The following DPP10 variants were observed in gnomAD, a reference collection of about 807,000 sequenced individuals.
DPP10 encodes the protein inactive dipeptidyl peptidase 10.
Under a neutral mutation model 120.9 loss-of-function variants are expected in DPP10, and 33 were observed. The observed-to-expected ratio is 0.27, with a 90% CI of 0.21 to 0.37. The LOEUF is 0.37. Ranked by LOEUF, DPP10 falls within the 10% of genes least tolerant of loss-of-function variation. DPP10 has a pLI of 1.00. For missense variants in DPP10, 816 were observed against 942.8 expected (o/e 0.87, Z 1.76); for synonymous variants, 337 against 326.1 (o/e 1.03, Z -0.36).
At chr2:114,764,605 C>T (rs1473558179) in intron 1 of DPP10, among the ~76,000 whole-genome samples, 2 of 151,168 alleles carry the variant, frequency 1.3e-5, no homozygotes, top group East Asian at 3.9e-4. Flanking sequence ...CCCCATGAAG[C>T]CTAATAATGC....
intron 9 of DPP10, among the ~76,000 whole-genome samples, 195 bp downstream of exon 9, chr2:115,740,088 A>C (rs539952741): frequency 6.6e-6 from 1 of 152,158 alleles, no homozygotes; most frequent in Non-Finnish European, 1.5e-5. Context: ...GATGATTTGA[A>C]AGTGTGTGAA....
intron 5 of DPP10, among the ~76,000 whole-genome samples, chr2:115,660,760 G>T (rs2088893133): frequency 6.9e-6 from 1 of 145,138 alleles, no homozygotes; most frequent in Non-Finnish European, 1.5e-5. Context: ...GATCATGAGG[G>T]TCTTTATACT....
intron 1 of DPP10, among the ~76,000 whole-genome samples, chr2:115,286,528 T>TATATATATATATA (rs1559366928): frequency 2.0e-5 from 2 of 100,072 alleles, no homozygotes; most frequent in African/African-American, 7.0e-5. Flanking sequence ...ATATATATAA[T>TATATATATATATA]ATATATATAT....
intron 1 of DPP10, among the ~76,000 whole-genome samples, chr2:114,937,206 G>A (rs1394112971): frequency 6.6e-6 from 1 of 152,110 alleles, no homozygotes; most frequent in Non-Finnish European, 1.5e-5. Context: ...TATCTTCTAG[G>A]ATCTTTATGG....
chr2:115,022,323 A>G (rs898330691), intron 1 of DPP10, among the ~76,000 whole-genome samples: 5 of 152,128 alleles, frequency 3.3e-5, no homozygotes, highest in African/African-American at 1.2e-4. Context: ...ATTTCAGGAT[A>G]CAAAATTAAT....
intron 5 of DPP10, among the ~76,000 whole-genome samples, chr2:115,641,099 T>C (rs2086739507): frequency 1.3e-5 from 2 of 152,124 alleles, no homozygotes; most frequent in South Asian, 4.1e-4. Flanking sequence ...CAGCAACAAT[T>C]GTACTGATTC....
Position 114,990,586 on chromosome 2 carries a change from AC to A in DPP10, c.61-318649del, listed in dbSNP as rs1700700604. Among the ~76,000 whole-genome samples the A allele has an allele frequency of 2.0e-5, 3 of 152,136 alleles. No homozygotes were observed. The East Asian group carries it at 5.8e-4, about 29-fold the overall frequency. ...TTATTCTACATTTAATTATTTTTAT[AC>A]CCCAACAGTTAATGTGATAACCTTT... On this transcript the variant is annotated intron_variant, in intron 1 of 25. Transcript: ENST00000410059.
At position 115,581,524 on chromosome 2, in the gene DPP10, C is replaced by T. The variant is rs560811417; in HGVS notation, c.441+55552C>T. On this transcript the variant is annotated intron_variant, in intron 5 of 25. Coordinates refer to ENST00000410059, the MANE Select transcript of DPP10 (RefSeq NM_020868.6). ...CACCAACAATTTTCTTGCTCAGCCG[C>T]TCATGCTACTATACTCTGTTATACA... Among the ~76,000 whole-genome samples the T allele has an allele frequency of 9.9e-5, 15 of 152,232 alleles. No homozygotes were observed. The East Asian group carries it at 2.9e-3, about 30-fold the overall frequency.
chr2:114,840,038 G>A (rs1012581853), intron 1 of DPP10, among the ~76,000 whole-genome samples: 8 of 152,100 alleles, frequency 5.3e-5, no homozygotes, highest in African/African-American at 1.9e-4. Flanking sequence ...CTGAATTGGG[G>A]TAATATCTCT....
intron 8 of DPP10, among the ~76,000 whole-genome samples, chr2:115,736,580 T>A (rs1676531145): frequency 6.6e-6 from 1 of 152,156 alleles, no homozygotes; most frequent in South Asian, 2.1e-4. Flanking sequence ...ATGCCCAGAA[T>A]ATGTGTGTAT....
At chr2:115,489,193 A>G (rs943068129) in intron 3 of DPP10, among the ~76,000 whole-genome samples, 1 of 152,100 alleles carries the variant, frequency 6.6e-6, no homozygotes, top group Non-Finnish European at 1.5e-5. Flanking sequence ...CTATGCTGTT[A>G]TAGTGCATAA....
At chr2:114,843,913 A>G (rs1323276354) in intron 1 of DPP10, among the ~76,000 whole-genome samples, 1 of 152,112 alleles carries the variant, frequency 6.6e-6, no homozygotes, top group Non-Finnish European at 1.5e-5. Context: ...AAGCAAACCT[A>G]ATTTCACAAT....
At chr2:115,663,009 A>T (rs1290466165) in intron 5 of DPP10, among the ~76,000 whole-genome samples, 1 of 151,796 alleles carries the variant, frequency 6.6e-6, no homozygotes, top group East Asian at 1.9e-4. Flanking sequence ...ATCTTTTTTT[A>T]CAATTTTTGT....
intron 1 of DPP10, among the ~76,000 whole-genome samples, chr2:114,907,794 T>C (rs1694084021): frequency 6.6e-6 from 1 of 152,060 alleles, no homozygotes; most frequent in South Asian, 2.1e-4. Flanking sequence ...TCAGTACGTA[T>C]CTGCTATGTC....
intron 1 of DPP10, among the ~76,000 whole-genome samples, chr2:114,570,522 GATATGAAAAGT>G (rs1228064470): frequency 2.0e-5 from 3 of 152,134 alleles, no homozygotes; most frequent in Middle Eastern, 3.4e-3. Context: ...TTGAAATTAT[GATATGAAAAGT>G]AGATGAAGGT....
At chr2:115,331,780 A>G (rs1450106107) in intron 2 of DPP10, among the ~76,000 whole-genome samples, 1 of 152,128 alleles carries the variant, frequency 6.6e-6, no homozygotes, top group Non-Finnish European at 1.5e-5. Context: ...AGCCCACTTG[A>G]TCATGGTGGA....
chr2:114,477,984 TAC>T (rs1375638403), intron 1 of DPP10, among the ~76,000 whole-genome samples: 1 of 151,064 alleles, frequency 6.6e-6, no homozygotes, highest in Non-Finnish European at 1.5e-5. Flanking sequence ...TGTATATATG[TAC>T]ATATATGTGT....
intron 2 of DPP10, among the ~76,000 whole-genome samples, chr2:115,338,606 A>G (rs1038831882): frequency 2.6e-5 from 4 of 152,080 alleles, no homozygotes; most frequent in African/African-American, 9.7e-5. Flanking sequence ...GATTATAGAC[A>G]TGAGCCACCT....
chr2:115,335,535 A>G (rs1345199565), intron 2 of DPP10, among the ~76,000 whole-genome samples: 1 of 152,050 alleles, frequency 6.6e-6, no homozygotes, highest in African/African-American at 2.4e-5. Flanking sequence ...AAGAACAGAT[A>G]TTTTAAAAAG....
Sources: gnomAD v4.1 joint callset for allele counts (sites outside exome capture counted in the v4.1 genomes callset) on GRCh38, gnomAD v4.1.1 for gene constraint, MANE v1.5 for transcripts, NCBI Gene and HGNC (gene_info 2026-07-23, HGNC 2026-07-21) for gene names.